Variants in PROM2 observed in about 807,000 individuals in gnomAD.
PROM2 encodes prominin-2.
PROM2 carries 90 observed loss-of-function variants against 110.2 expected under a neutral mutation model. That is an observed-to-expected ratio of 0.82 (90% CI 0.69 to 0.97). The LOEUF is 0.97. PROM2 is among the 50% of genes least tolerant of loss of function. PROM2 has a pLI of 0.00. For missense variants in PROM2, 1,009 were observed against 1,074.8 expected, an observed-to-expected ratio of 0.94 and a Z score of 0.86; for synonymous variants, 470 against 467.8, an observed-to-expected ratio of 1.00 and a Z score of -0.06.
chr2:95,276,920 G>A lies in PROM2; in HGVS notation c.683-52G>A. ...TGGGGAGGCAGGATGGGAATGGGGA[G>A]GGCCCCTCCACTCTTGGGGTCCCAC... On this transcript the variant is annotated intron_variant, in intron 5 of 23. Transcript: ENST00000317620. This position sits in a 1 kb window ranked among gnomAD's most constrained non-coding sequence, Gnocchi z 4.6. 1 of 1,524,474 alleles carries A rather than the reference G, an allele frequency of 6.6e-7. No individual in the cohort carries two copies. Among genetic ancestry groups the A allele is most frequent in the East Asian group, 2.5e-5 (1 of 40,754 alleles). The allele number at this position is 1,524,474 out of a possible 1,614,324, so 94.4% of individuals were successfully genotyped here.
In PROM2 at chr2:95,286,589, G is replaced by GGGAGCCT; in HGVS notation, c.2040+21_2040+27dup. On this transcript the variant is annotated intron_variant, in intron 17 of 23. Coordinates refer to ENST00000317620, the MANE Select transcript of PROM2 (RefSeq NM_001165978.3). Reference sequence around the variant, plus strand: ...GCCTTGTGGTCAGTTTGGAGGCCCGGGGAGCCTGGGGCCTGGGGGAGGGGA... The same window carrying GGGAGCCT: ...GCCTTGTGGTCAGTTTGGAGGCCCGGGGAGCCTGGAGCCTGGGGCCTGGGGGAGGGGA... 1 of 1,605,238 alleles carries GGGAGCCT rather than the reference G, an allele frequency of 6.2e-7. No homozygotes were observed. Among genetic ancestry groups the GGGAGCCT allele is most frequent in the Non-Finnish European group, 8.5e-7 (1 of 1,173,050 alleles).
chr2:95,285,123 G>C lies in PROM2; in HGVS notation c.1875+8G>C, dbSNP rs186865629. 3.9e-4 allele frequency: 602 copies of C among 1,555,150 alleles called. 1 individual carries two copies. The African/African-American group carries it at 7.3e-3, about 19-fold the overall frequency. Reference sequence around the variant, plus strand: ...CCCGACTTCCTCGTTCAGGTCAGCGGTGGGCACCTCAGCAGGGCTTCCTCA... The same window carrying C: ...CCCGACTTCCTCGTTCAGGTCAGCGCTGGGCACCTCAGCAGGGCTTCCTCA... On this transcript the variant is annotated splice_region_variant and intron_variant, in intron 15 of 23. Transcript: ENST00000317620.
intron 19 of PROM2, 25 bp from the exon 20 acceptor site, chr2:95,287,371 C>T (rs1469481624): frequency 6.2e-7 from 1 of 1,613,556 alleles, no homozygotes; most frequent in Non-Finnish European, 8.5e-7. Flanking sequence ...ACCCCTACAG[C>T]TCAGACCTCC....
At chr2:95,280,473 C>G (rs753225462) in intron 11 of PROM2, among the ~76,000 whole-genome samples, 1 of 152,224 alleles carries the variant, frequency 6.6e-6, no homozygotes, top group East Asian at 1.9e-4. Flanking sequence ...CTTCGAGCCC[C>G]CTGGTCTAAG....
chr2:95,286,980 A>G, intron 18 of PROM2, 123 bp downstream of exon 18: 1 of 1,316,032 alleles, frequency 7.6e-7, no homozygotes, highest in Non-Finnish European at 1.1e-6. Flanking sequence ...GTTGGGAGGA[A>G]GATGGGGGTG....
intron 8 of PROM2, chr2:95,278,284 G>C (rs1456780792): frequency 1.8e-6 from 1 of 562,586 alleles, no homozygotes; most frequent in African/African-American, 1.9e-5. Context: ...GTGGAGATGG[G>C]CCAAGGGGGA....
Position 95,276,549 on chromosome 2 carries a change from G to A in PROM2, c.619-45G>A, listed in dbSNP as rs781397614. On this transcript the variant is annotated intron_variant, in intron 4 of 23. Coordinates refer to ENST00000317620, the MANE Select transcript of PROM2 (RefSeq NM_001165978.3). The surrounding 1 kb of genome is among the most constrained non-coding windows in gnomAD (Gnocchi z 4.6). ...CCAGGGAGAGAAGGGCGTAAGGACT[G>A]TGGGTGACCAGGAAGGGCAGCCTCA... is the stretch of plus-strand genomic sequence containing the variant. 7.4e-6 allele frequency: 12 copies of A among 1,613,422 alleles called. No homozygotes were observed. The highest frequency in any genetic ancestry group is 1.0e-5 in the Non-Finnish European group (12 of 1,179,560).
chr2:95,277,335 C>A (rs758868497), intron 6 of PROM2, 29 bp from the exon 7 acceptor site: 1 of 1,584,720 alleles, frequency 6.3e-7, no homozygotes, highest in South Asian at 1.2e-5. Flanking sequence ...TATGGTGGAC[C>A]CTGCTCAGGC....
intron 20 of PROM2, 76 bp from the exon 21 acceptor site, chr2:95,288,135 C>T: frequency 6.9e-7 from 1 of 1,456,248 alleles, no homozygotes; most frequent in South Asian, 1.2e-5. Context: ...GTCAACCACT[C>T]TCCCTGAATT....
rs1332580324 is a variant in PROM2 at position 95,289,368 on chromosome 2, T to A, written c.*155T>A. On this transcript the variant is annotated 3_prime_UTR_variant, in exon 24 of 24. Transcript: ENST00000317620. ...GCTTACCTGGCCCCACCTTGCCTGC[T>A]CCTTTCCACCCCTTTCTGCTCACGA... 1.7e-5 allele frequency: 5 copies of A among 289,216 alleles called. No individual in the cohort carries two copies. Among genetic ancestry groups the A allele is most frequent in the African/African-American group, 6.5e-5 (3 of 46,072 alleles). 17.9% of individuals were successfully genotyped at this position (289,216 alleles called of 1,614,324 possible). A position where few individuals can be genotyped will look rare whatever the true frequency, so the allele number is the denominator to read the frequency against.
chr2:95,277,972 C>G lies in PROM2; in HGVS notation c.1018C>G (p.Pro340Ala), dbSNP rs1558742466. The change falls in exon 8 of 24, where the codon CCC becomes GCC. Residue 340 changes from proline to alanine, a missense_variant. Coordinates refer to ENST00000317620, the MANE Select transcript of PROM2 (RefSeq NM_001165978.3). ...DHVLHQLKGV[P>A]EANFSSMVQE... ...TGTCCTGCACCAGCTAAAAGGTGTC[C>G]CCGAGGCCAACTTCTCCAGCATGGT... is the stretch of plus-strand genomic sequence containing the variant. The G allele has an allele frequency of 3.7e-6, 6 of 1,611,736 alleles. No homozygotes were observed. The highest frequency in any genetic ancestry group is 5.1e-6 in the Non-Finnish European group (6 of 1,179,372).
At position 95,275,954 on chromosome 2, in the gene PROM2, G is replaced by T; in HGVS notation, c.319G>T (p.Val107Leu). The change falls in exon 3 of 24, where the codon GTG becomes TTG. Residue 107 changes from valine to leucine, a missense_variant. Transcript: ENST00000317620. This position sits in a 1 kb window ranked among gnomAD's most constrained non-coding sequence, Gnocchi z 4.4. Reference protein sequence around the residue: ...NEVVRYEAGYVVCAVIAGLYL... With the variant: ...NEVVRYEAGYLVCAVIAGLYL... ...GGTGGTGCGGTACGAGGCGGGCTACGTGGTATGCGCTGTGATCGCGGGCCT... is the reference window on the plus strand; with the variant it reads ...GGTGGTGCGGTACGAGGCGGGCTACTTGGTATGCGCTGTGATCGCGGGCCT... 1.2e-6 allele frequency: 2 copies of T among 1,612,146 alleles called. No homozygotes were observed. The highest frequency in any genetic ancestry group is 1.7e-6 in the Non-Finnish European group (2 of 1,179,718).
Position 95,281,884 on chromosome 2 carries a change from C to T in PROM2, c.1552-41C>T, listed in dbSNP as rs774966396. On this transcript the variant is annotated intron_variant, in intron 12 of 23. Transcript: ENST00000317620. ...CTAGGGGACCAGGGTGGCCTTGCCC[C>T]CACCCCGCTCTGTGCCCATTTCTCA... 40 of 1,480,094 alleles carry T rather than the reference C, an allele frequency of 2.7e-5. No individual in the cohort carries two copies. The East Asian group carries it at 8.8e-4, about 33-fold the overall frequency. The allele number at this position is 1,480,094 out of a possible 1,614,324, so 91.7% of individuals were successfully genotyped here.
chr2:95,279,097 G>T lies in PROM2; in HGVS notation c.1227G>T (p.Glu409Asp). Reference protein sequence around the residue: ...RWAQALQEVEESSRPYLQEVQ... With the variant: ...RWAQALQEVEDSSRPYLQEVQ... ...CCCAGGCACTGCAGGAGGTGGAGGA[G>T]AGCAGCCGCCCCTACCTGCAGGAGG... is the stretch of plus-strand genomic sequence containing the variant. The change falls in exon 10 of 24, where the codon GAG (glutamate) becomes GAT (aspartate). Residue 409 changes from glutamate to aspartate, a missense_variant. By Grantham distance (45) the Glu-to-Asp change is conservative. Coordinates refer to ENST00000317620, the MANE Select transcript of PROM2 (RefSeq NM_001165978.3). 3.3e-6 allele frequency: 5 copies of T among 1,529,862 alleles called. No individual in the cohort carries two copies. Among genetic ancestry groups the T allele is most frequent in the Non-Finnish European group, 4.4e-6 (5 of 1,130,102 alleles). The allele number at this position is 1,529,862 out of a possible 1,614,324, so 94.8% of individuals were successfully genotyped here. A position where few individuals can be genotyped will look rare whatever the true frequency, so the allele number is the denominator to read the frequency against.
chr2:95,283,137 C>T (rs1274609946), intron 14 of PROM2, among the ~76,000 whole-genome samples: 8 of 152,224 alleles, frequency 5.3e-5, no homozygotes, highest in African/African-American at 9.6e-5. Flanking sequence ...CCCGAGCAGG[C>T]GATATCTCAG....
In PROM2 at chr2:95,277,408, G is replaced by C; in HGVS notation, c.817G>C (p.Val273Leu). ...VHHLQTLNAT[V>L]VELQAGQQDL... is the part of the protein sequence containing the mutation. ...CCACCTGCAAACCTTGAATGCTACA[G>C]TGGTAGAGCTGCAGGCCGGGCAGCA... Residue 273 changes from valine (V) to leucine (L), a missense_variant, in exon 7 of 24, where the codon GTG (valine) becomes CTG (leucine). Coordinates refer to ENST00000317620, the MANE Select transcript of PROM2 (RefSeq NM_001165978.3). The C allele has an allele frequency of 1.9e-6, 3 of 1,613,424 alleles. No individual in the cohort carries two copies. The highest frequency in any genetic ancestry group is 2.5e-6 in the Non-Finnish European group (3 of 1,179,898).
At position 95,275,727 on chromosome 2, in the gene PROM2, G is replaced by A; in HGVS notation, c.295-203G>A. On this transcript the variant is annotated intron_variant, in intron 2 of 23. Coordinates refer to ENST00000317620, the MANE Select transcript of PROM2 (RefSeq NM_001165978.3). This position sits in a 1 kb window ranked among gnomAD's most constrained non-coding sequence, Gnocchi z 4.4. ...CTGGCAGTGAGGTTTGCAGGGAGCT[G>A]GAACTTCCTGAACTTCAGCTTCCTC... 1 of 1,446,776 alleles carries A rather than the reference G, an allele frequency of 6.9e-7. No homozygotes were observed. The highest frequency in any genetic ancestry group is 2.5e-5 in the East Asian group (1 of 40,156). The allele number at this position is 1,446,776 out of a possible 1,614,324, so 89.6% of individuals were successfully genotyped here.
rs1399655643 is a variant in PROM2, at chr2:95,275,676, G to T, written c.294+166G>T. 1.3e-5 allele frequency among the ~76,000 whole-genome samples: 2 copies of T among 152,324 alleles called. No homozygotes were observed. The highest frequency in any genetic ancestry group is 3.9e-4 in the East Asian group (2 of 5,176). ...GTGGGCGCTGCAGTCCGTAGACCTG[G>T]GTGCAAACCACAGCTCTGCCATTTA... On this transcript the variant is annotated intron_variant, in intron 2 of 23. Transcript: ENST00000317620. This position sits in a 1 kb window ranked among gnomAD's most constrained non-coding sequence, Gnocchi z 4.4.
In PROM2 at chr2:95,275,431, C is replaced by G; in HGVS notation, c.245-30C>G. 1.2e-6 allele frequency: 2 copies of G among 1,600,074 alleles called. No homozygotes were observed. The highest frequency in any genetic ancestry group is 1.7e-6 in the Non-Finnish European group (2 of 1,172,086). ...CACAGGGGCAGGGCAGTGGCTGTCCCCAAATCCTCAGCTTGGCTCTTTCCC... is the reference window on the plus strand; with the variant it reads ...CACAGGGGCAGGGCAGTGGCTGTCCGCAAATCCTCAGCTTGGCTCTTTCCC... On this transcript the variant is annotated intron_variant, in intron 1 of 23. Transcript: ENST00000317620. The surrounding 1 kb of genome is among the most constrained non-coding windows in gnomAD (Gnocchi z 4.4).
Sources: gnomAD v4.1 joint callset for allele counts (sites outside exome capture counted in the v4.1 genomes callset) on GRCh38, gnomAD v4.1.1 for gene constraint, Gnocchi (gnomAD v3.1) non-coding constraint, MANE v1.5 for transcripts, NCBI Gene and HGNC (gene_info 2026-07-23, HGNC 2026-07-21) for gene names.